Variants in MIA3 observed in about 807,000 individuals in gnomAD.
The protein encoded by MIA3 is transport and Golgi organization protein 1 homolog.
MIA3 carries 90 observed loss-of-function variants against 192.4 expected under a neutral mutation model. The ratio of observed to expected loss-of-function variants is 0.47; its 90% CI spans 0.39 to 0.56. MIA3 has a LOEUF of 0.56. Among genes scored for constraint, MIA3 ranks in the 20% least tolerant of loss-of-function variants. The probability of loss-of-function intolerance (pLI) is 0.00; values close to 1 mark genes in which losing one functional copy is unlikely to be tolerated. For missense variants in MIA3, 2,123 were observed against 2,269.4 expected, an observed-to-expected ratio of 0.94 and a Z score of 1.31; for synonymous variants, 740 against 792.8, an observed-to-expected ratio of 0.93 and a Z score of 1.12.
chr1:222,619,410 T>C lies in MIA3; in HGVS notation c.133+1167T>C, dbSNP rs554321916. 1.2e-4 allele frequency among the ~76,000 whole-genome samples: 18 copies of C among 152,324 alleles called. No individual in the cohort carries two copies. The South Asian group carries it at 2.9e-3, about 25-fold the overall frequency. On this transcript the variant is annotated intron_variant, in intron 1 of 27. Coordinates refer to ENST00000344922, the MANE Select transcript of MIA3 (RefSeq NM_198551.4). ...ATGGTTTAGCTATTTATATTCAAAT[T>C]GATGTTATCAAAACCGAATTTCATA...
At chr1:222,630,670 A>T (rs896311189) in intron 4 of MIA3, among the ~76,000 whole-genome samples, 1 of 152,270 alleles carries the variant, frequency 6.6e-6, no homozygotes, top group Non-Finnish European at 1.5e-5. Context: ...AAAGTAATAT[A>T]CAAAATACAA....
chr1:222,621,108 A>G, intron 1 of MIA3, 51 bp from the exon 2 acceptor site: 2 of 1,496,838 alleles, frequency 1.3e-6, no homozygotes, highest in Non-Finnish European at 1.8e-6. Context: ...ATGCACTGTG[A>G]ACACTGAATC....
intron 7 of MIA3, chr1:222,648,066 A>G (rs1295308262): frequency 4.8e-6 from 1 of 208,446 alleles, no homozygotes; most frequent in Non-Finnish European, 1.0e-5. Context: ...AAATTTAGTA[A>G]TATTCTTTTT....
intron 18 of MIA3, among the ~76,000 whole-genome samples, chr1:222,655,962 CCTTTTTT>C (rs1262987855): frequency 4.1e-4 from 29 of 71,256 alleles, no homozygotes; most frequent in Middle Eastern, 0.022. Flanking sequence ...ACTTTCTTTC[CCTTTTTT>C]TTTTTTTTTT....
intron 27 of MIA3, 82 bp downstream of exon 27, chr1:222,664,230 T>C (rs1431026285): frequency 1.4e-6 from 2 of 1,441,702 alleles, no homozygotes; most frequent in Non-Finnish European, 1.9e-6. Context: ...CAACTGCAAT[T>C]GCGGGGCTTT....
At chr1:222,655,041 G>T (rs1244084603) in intron 18 of MIA3, among the ~76,000 whole-genome samples, 1 of 152,230 alleles carries the variant, frequency 6.6e-6, no homozygotes, top group Admixed American at 6.5e-5. Context: ...GACGGTCGCT[G>T]CTGTGGGAGT....
At chr1:222,664,851 C>A (rs1391929414) in intron 27 of MIA3, 1 of 444,238 alleles carries the variant, frequency 2.3e-6, no homozygotes, top group South Asian at 1.7e-5. Flanking sequence ...GTATATAGTA[C>A]TTCCAAGTAC....
rs753781402 is a variant in MIA3, at chr1:222,633,164, C to T, written c.3392C>T (p.Thr1131Ile). ...DAIDANKQPETAAEEPASVTP... is the reference protein window; with the variant it reads ...DAIDANKQPEIAAEEPASVTP... ...ATTGATGCAAACAAGCAACCAGAGA[C>T]AGCCGCCGAAGAGCCGGCAAGTGTC... Residue 1131 changes from threonine to isoleucine, a missense_variant, in exon 6 of 28, where the codon ACA becomes ATA. Physicochemically the swap from Thr to Ile is moderately conservative, Grantham distance 89. Around this residue, in one of 3 missense-constraint regions of MIA3, gnomAD observed 1,357 missense variants for 1,396.1 expected, o/e 0.97. Transcript: ENST00000344922. 3.1e-6 allele frequency: 5 copies of T among 1,614,052 alleles called. No individual in the cohort carries two copies. The highest frequency in any genetic ancestry group is 1.3e-5 in the African/African-American group (1 of 75,058).
rs746664657 is a variant in MIA3 at position 222,628,075 on chromosome 1, A to G, written c.855A>G (p.Ala285=). 88 of 1,614,022 alleles carry G rather than the reference A, an allele frequency of 5.5e-5. No homozygotes were observed. The highest frequency in any genetic ancestry group is 5.5e-5 in the Non-Finnish European group (65 of 1,180,036). ...LKTKFGSTAD[A]LVSDDETTRL... ...CCAAATTTGGCTCAACAGCTGATGC[A>G]CTTGTATCTGATGATGAGACAACCA... The change falls in exon 4 of 28, where the codon GCA becomes GCG. Residue 285 remains alanine (A), a synonymous_variant. Coordinates refer to ENST00000344922, the MANE Select transcript of MIA3 (RefSeq NM_198551.4).
At chr1:222,650,586 A>T in intron 9 of MIA3, 48 bp from the exon 10 acceptor site, 1 of 1,287,196 alleles carries the variant, frequency 7.8e-7, no homozygotes, top group Non-Finnish European at 1.1e-6. Context: ...AAGTTCTGGT[A>T]GCACTATACT....
chr1:222,650,962 T>G (rs1382064739), intron 11 of MIA3, 59 bp downstream of exon 11: 9 of 962,344 alleles, frequency 9.4e-6, no homozygotes, highest in African/African-American at 1.7e-5. Context: ...TTTTGTAGAT[T>G]GAGTTGAACT....
In MIA3 at chr1:222,665,151, A is replaced by G. The variant is rs976993864; in HGVS notation, c.5414-158A>G. 1.8e-5 allele frequency: 11 copies of G among 609,580 alleles called. No homozygotes were observed. The African/African-American group carries it at 2.2e-4, about 12-fold the overall frequency. The allele number at this position is 609,580 out of a possible 1,614,324, so 37.8% of individuals were successfully genotyped here. A position where few individuals can be genotyped will look rare whatever the true frequency, so the allele number is the denominator to read the frequency against. ...GAGATTGAGGCTGCAGTGAGCCATG[A>G]TCACTCATTACACTCCAGCCCATGT... On this transcript the variant is annotated intron_variant, in intron 27 of 27. Coordinates refer to ENST00000344922, the MANE Select transcript of MIA3 (RefSeq NM_198551.4).
rs1303587014 is a variant in MIA3 at position 222,650,386 on chromosome 1, A to G, written c.3720+6A>G. On this transcript the variant is annotated splice_donor_region_variant and intron_variant, in intron 9 of 27. Transcript: ENST00000344922. The stretch of plus-strand genomic sequence containing the variant: ...TGTCAAATTATGAACAGAAGGTATG[A>G]TTATTCTTTGTTTTTTTTTTTTTTC... 1 of 1,445,954 alleles carries G rather than the reference A, an allele frequency of 6.9e-7. No homozygotes were observed. Among genetic ancestry groups the G allele is most frequent in the Non-Finnish European group, 9.6e-7 (1 of 1,045,636 alleles). 89.6% of individuals were successfully genotyped at this position (1,445,954 alleles called of 1,614,324 possible).
At position 222,666,496 on chromosome 1, in the gene MIA3, A is replaced by C. The variant is rs1053316; in HGVS notation, c.*877A>C. On this transcript the variant is annotated 3_prime_UTR_variant, in exon 28 of 28. Transcript: ENST00000344922. ...AAAATGAAAATGATGTGTCATGGCC[A>C]TAAAAGTATAGAAATCTTTAAAAAT... is the stretch of plus-strand genomic sequence containing the variant. 1 of 151,920 alleles carries C rather than the reference A, an allele frequency of 6.6e-6. No homozygotes were observed. Among genetic ancestry groups the C allele is most frequent in the Non-Finnish European group, 1.5e-5 (1 of 68,016 alleles). 9.4% of individuals were successfully genotyped at this position (151,920 alleles called of 1,614,324 possible).
intron 5 of MIA3, 67 bp from the exon 6 acceptor site, chr1:222,633,037 A>G (rs938166544): frequency 1.0e-5 from 15 of 1,476,166 alleles, no homozygotes; most frequent in Admixed American, 4.4e-5. Context: ...TGGATACTCA[A>G]TAAGTATTTT....
At chr1:222,656,517 T>C (rs939582724) in intron 18 of MIA3, among the ~76,000 whole-genome samples, 29 of 152,150 alleles carry the variant, frequency 1.9e-4, no homozygotes, top group African/African-American at 7.0e-4. Context: ...CTTTCGTCAT[T>C]TTCTTTTTGG....
intron 3 of MIA3, among the ~76,000 whole-genome samples, chr1:222,627,333 T>A (rs941864595): frequency 2.0e-5 from 3 of 152,118 alleles, no homozygotes; most frequent in Non-Finnish European, 4.4e-5. Context: ...ACCAGCCACA[T>A]GAATCATTCT....
rs1662263409 is a variant in MIA3, at chr1:222,629,025, A to G, written c.1805A>G (p.Asn602Ser). 1 of 1,614,082 alleles carries G rather than the reference A, an allele frequency of 6.2e-7. No homozygotes were observed. Among genetic ancestry groups the G allele is most frequent in the African/African-American group, 1.3e-5 (1 of 74,928 alleles). ...AGTGTGGAGGGAGACGCTTTGGTAA[A>G]TGGGGCCAAACTGCACACGCTTTCA... ...RDSVEGDALV[N>S]GAKLHTLSVE... The change falls in exon 4 of 28, where the codon AAT becomes AGT. Residue 602 changes from asparagine to serine, a missense_variant. Physicochemically the swap from Asn to Ser is conservative, Grantham distance 46 (BLOSUM62 1). Transcript: ENST00000344922.
Position 222,629,450 on chromosome 1 carries a change from GA to G in MIA3, c.2237del (p.Asn746ThrfsTer21). ...CGCTATAAATGCAAAACGGTCTAAA[GA>G]AAAAAACCCTGGGAATCAGGGCAGG... is the stretch of plus-strand genomic sequence containing the variant. ...ENAINAKRSK[E>X]KNPGNQGRQF... On this transcript the variant is annotated frameshift_variant, in exon 4 of 28. Transcript: ENST00000344922. LOFTEE classifies it high-confidence loss of function. The G allele has an allele frequency of 2.5e-6, 4 of 1,614,080 alleles. No individual in the cohort carries two copies. Among genetic ancestry groups the G allele is most frequent in the African/African-American group, 1.3e-5 (1 of 75,014 alleles).
Sources: allele counts gnomAD v4.1 joint callset (sites outside exome capture counted in the v4.1 genomes callset), GRCh38; gene constraint gnomAD v4.1.1; regional missense constraint gnomAD v4.1.1; transcripts MANE v1.5; gene names NCBI Gene and HGNC (gene_info 2026-07-23, HGNC 2026-07-21).